Variants in PRIM2 observed in about 807,000 individuals in gnomAD.
The protein encoded by PRIM2 is DNA primase subunit 2, also known as DNA primase large subunit.
In PRIM2, 39 loss-of-function variants were observed where a neutral mutation model predicts 67.3. The observed-to-expected ratio is 0.58, with a 90% confidence interval of 0.45 to 0.76. The LOEUF is 0.76. Ranked by LOEUF, PRIM2 falls within the 30% of genes least tolerant of loss-of-function variation. PRIM2 has a pLI of 0.00. For missense variants in PRIM2, 398 were observed against 598.7 expected, an observed-to-expected ratio of 0.66 and a Z score of 3.50; for synonymous variants, 143 against 198.7, an observed-to-expected ratio of 0.72 and a Z score of 2.36.
chr6:57,379,316 T>C (rs1431867543), intron 5 of PRIM2, among the ~76,000 whole-genome samples: 2 of 134,894 alleles, frequency 1.5e-5, no homozygotes, highest in African/African-American at 2.8e-5. Flanking sequence ...TTGTCACTTA[T>C]ATTTCATCTT....
intron 12 of PRIM2, among the ~76,000 whole-genome samples, chr6:57,606,923 G>T (rs1776573539): frequency 6.6e-6 from 1 of 152,164 alleles, no homozygotes; most frequent in African/African-American, 2.4e-5. Context: ...ACTTCTGATG[G>T]TAGATCAAAT....
chr6:57,418,619 C>T (rs1191293116), intron 7 of PRIM2, among the ~76,000 whole-genome samples: 1 of 151,642 alleles, frequency 6.6e-6, no homozygotes, highest in Admixed American at 6.6e-5. Flanking sequence ...CCAGGATGGT[C>T]TTGATCTCTT....
chr6:57,613,045 T>C (rs1776694627), intron 12 of PRIM2, among the ~76,000 whole-genome samples: 1 of 152,140 alleles, frequency 6.6e-6, no homozygotes, highest in Non-Finnish European at 1.5e-5. Flanking sequence ...TCCTGTCACC[T>C]TGGCCTCCCA....
At chr6:57,493,436 C>G (rs1471594908) in intron 7 of PRIM2, among the ~76,000 whole-genome samples, 1 of 152,114 alleles carries the variant, frequency 6.6e-6, no homozygotes, top group Non-Finnish European at 1.5e-5. Context: ...ATTATGTGAA[C>G]TCTTTGATAG....
chr6:57,574,301 C>G (rs1278863800), intron 10 of PRIM2, among the ~76,000 whole-genome samples: 1 of 152,140 alleles, frequency 6.6e-6, no homozygotes, highest in Non-Finnish European at 1.5e-5. Flanking sequence ...CCCCAGAAGA[C>G]TTTGCTACCA....
chr6:57,377,486 TG>T (rs1769808671), intron 5 of PRIM2, among the ~76,000 whole-genome samples: 1 of 150,664 alleles, frequency 6.6e-6, no homozygotes, highest in Non-Finnish European at 1.5e-5. Flanking sequence ...GGTTTTCATT[TG>T]TTTTTTTTTT....
the PRIM2 span, among the ~76,000 whole-genome samples, chr6:57,298,663 G>A: frequency 6.6e-6 from 1 of 151,976 alleles, no homozygotes; most frequent in Non-Finnish European, 1.5e-5. Context: ...CATATTATGA[G>A]GAGGATTTTC....
intron 10 of PRIM2, among the ~76,000 whole-genome samples, chr6:57,582,643 T>G (rs1456857423): frequency 6.6e-6 from 1 of 152,144 alleles, no homozygotes; most frequent in Non-Finnish European, 1.5e-5. Flanking sequence ...TGTTTAACCG[T>G]GGTTCAGTGC....
intron 10 of PRIM2, among the ~76,000 whole-genome samples, chr6:57,561,597 G>A (rs2127478315): frequency 6.6e-6 from 1 of 152,318 alleles, no homozygotes; most frequent in South Asian, 2.1e-4. Flanking sequence ...ATTGAAGAGA[G>A]TTACAGCCTT....
chr6:57,333,515 C>G (rs1768125566), intron 5 of PRIM2, among the ~76,000 whole-genome samples: 1 of 152,068 alleles, frequency 6.6e-6, no homozygotes, highest in Non-Finnish European at 1.5e-5. Context: ...GGGTTGGGAA[C>G]TTGGTGGACT....
At chr6:57,335,794 C>A (rs1228358734) in intron 5 of PRIM2, among the ~76,000 whole-genome samples, 1 of 152,164 alleles carries the variant, frequency 6.6e-6, no homozygotes, top group African/African-American at 2.4e-5. Flanking sequence ...CTCTGAAAAG[C>A]AGAGCGCCTC....
the PRIM2 span, among the ~76,000 whole-genome samples, chr6:57,236,064 C>T: frequency 6.6e-6 from 1 of 152,200 alleles, no homozygotes; most frequent in Non-Finnish European, 1.5e-5. Context: ...TCTTAGAGCA[C>T]TACGTTTGTA....
chr6:57,449,490 C>A (rs1210205662), intron 7 of PRIM2, among the ~76,000 whole-genome samples: 1 of 152,150 alleles, frequency 6.6e-6, no homozygotes, highest in Non-Finnish European at 1.5e-5. Context: ...GGAGACTCAT[C>A]ATACCTTTTA....
At chr6:57,226,493 G>A in the PRIM2 span, among the ~76,000 whole-genome samples, 1 of 152,156 alleles carries the variant, frequency 6.6e-6, no homozygotes, top group African/African-American at 2.4e-5. Context: ...GTGGAAAGCG[G>A]TATGTAAAAA....
At chr6:57,510,970 A>C (rs1554347665) in intron 8 of PRIM2, among the ~76,000 whole-genome samples, 1 of 152,084 alleles carries the variant, frequency 6.6e-6, no homozygotes, top group Non-Finnish European at 1.5e-5. Flanking sequence ...GGAGGTTGAT[A>C]CCGAGATCAT....
chr6:57,421,654 T>C (rs1175215312), intron 7 of PRIM2, among the ~76,000 whole-genome samples: 1 of 152,204 alleles, frequency 6.6e-6, no homozygotes, highest in African/African-American at 2.4e-5. Flanking sequence ...TATTCAGTGA[T>C]AGCTATTTGC....
intron 7 of PRIM2, among the ~76,000 whole-genome samples, chr6:57,485,408 A>G (rs1310743498): frequency 2.0e-5 from 3 of 152,238 alleles, no homozygotes; most frequent in Non-Finnish European, 4.4e-5. Flanking sequence ...TTTGGTTTCT[A>G]TTCTTTGTCC....
At chr6:57,466,163 A>G (rs1257554745) in intron 7 of PRIM2, among the ~76,000 whole-genome samples, 3 of 152,078 alleles carry the variant, frequency 2.0e-5, no homozygotes, top group Admixed American at 1.3e-4. Flanking sequence ...ATCCTTTTCT[A>G]TGGCTGCATA....
intron 5 of PRIM2, among the ~76,000 whole-genome samples, chr6:57,326,681 G>A (rs995494818): frequency 6.6e-5 from 10 of 151,586 alleles, no homozygotes; most frequent in African/African-American, 1.9e-4. Context: ...AGATCATGCC[G>A]CTGCACTCTA....
Sources: allele counts gnomAD v4.1 joint callset (sites outside exome capture counted in the v4.1 genomes callset), GRCh38; gene constraint gnomAD v4.1.1; transcripts MANE v1.5; gene names NCBI Gene and HGNC (gene_info 2026-07-23, HGNC 2026-07-21).